EFEMP1: variants seen among roughly 807,000 people sequenced by gnomAD.
EFEMP1 encodes the protein EGF-containing fibulin-like extracellular matrix protein 1.
A neutral mutation model predicts 65.7 loss-of-function variants in EFEMP1; 18 were observed. That is an observed-to-expected ratio of 0.27 (90% CI 0.19 to 0.41). The LOEUF (loss-of-function observed/expected upper bound fraction) is 0.41. EFEMP1 is among the 10% of genes least tolerant of loss of function. The pLI is 1.00. For synonymous variants in EFEMP1, 237 were observed against 219.7 expected, an observed-to-expected ratio of 1.08 and a Z score of -0.70; for missense variants, 469 against 624.8, an observed-to-expected ratio of 0.75 and a Z score of 2.66.
chr2:55,921,852 C>T lies in EFEMP1; in HGVS notation c.81+508G>A, dbSNP rs1382997099. The T allele has an allele frequency of 6.1e-6, 1 of 163,658 alleles. No individual in the cohort carries two copies. The highest frequency in any genetic ancestry group is 2.4e-5 in the African/African-American group (1 of 41,576). 10.1% of individuals were successfully genotyped at this position (163,658 alleles called of 1,614,324 possible). A position where few individuals can be genotyped will look rare whatever the true frequency, so the allele number is the denominator to read the frequency against. On this transcript the variant is annotated intron_variant, in intron 3 of 11. Transcript: ENST00000355426. This position sits in a 1 kb window ranked among gnomAD's most constrained non-coding sequence, Gnocchi z 4.1. ...GTCTGCCTTTATTTATTAGAATTAT[C>T]AAGTTATACAAAAAGAATGAATATA...
At chr2:55,869,719 G>A (rs1668726684) in intron 11 of EFEMP1, among the ~76,000 whole-genome samples, 2 of 152,094 alleles carry the variant, frequency 1.3e-5, no homozygotes, top group South Asian at 4.1e-4. Flanking sequence ...AAAATAAAGA[G>A]TGCCCAAAGG....
intron 5 of EFEMP1, among the ~76,000 whole-genome samples, chr2:55,890,824 T>C (rs971648707): frequency 1.1e-4 from 16 of 152,040 alleles, no homozygotes; most frequent in African/African-American, 3.9e-4. Flanking sequence ...CTACCCTACC[T>C]CCTCATATCA....
chr2:55,922,779 A>G lies in EFEMP1; in HGVS notation c.-8+120T>C. ...AAAGAGGGGGTCGAAAGGAAAAAACAGTAATCCATTTCAAAGGGGACGGTG... is the reference window on the plus strand; with the variant it reads ...AAAGAGGGGGTCGAAAGGAAAAAACGGTAATCCATTTCAAAGGGGACGGTG... On this transcript the variant is annotated intron_variant, in intron 2 of 11. Coordinates refer to ENST00000355426, the MANE Select transcript of EFEMP1 (RefSeq NM_001039348.3). This position sits in a 1 kb window ranked among gnomAD's most constrained non-coding sequence, Gnocchi z 5.5. The G allele has an allele frequency of 1.3e-6, 1 of 766,732 alleles. No homozygotes were observed. Among genetic ancestry groups the G allele is most frequent in the Non-Finnish European group, 1.8e-6 (1 of 557,916 alleles). 47.5% of individuals were successfully genotyped at this position (766,732 alleles called of 1,614,324 possible).
At position 55,921,888 on chromosome 2, in the gene EFEMP1, A is replaced by G. The variant is rs1029532499; in HGVS notation, c.81+472T>C. 30 of 186,238 alleles carry G rather than the reference A, an allele frequency of 1.6e-4. No individual in the cohort carries two copies. The highest frequency in any genetic ancestry group is 7.1e-4 in the African/African-American group (30 of 42,548). 11.5% of individuals were successfully genotyped at this position (186,238 alleles called of 1,614,324 possible). A position where few individuals can be genotyped will look rare whatever the true frequency, so the allele number is the denominator to read the frequency against. On this transcript the variant is annotated intron_variant, in intron 3 of 11. Transcript: ENST00000355426. This position sits in a 1 kb window ranked among gnomAD's most constrained non-coding sequence, Gnocchi z 4.1. The stretch of plus-strand genomic sequence containing the variant: ...AAAAGAATGAATATATAGCCTTTAT[A>G]AATTCAATAAAGGCCACTTACTTGA...
chr2:55,892,764 A>C (rs116258672), intron 5 of EFEMP1, among the ~76,000 whole-genome samples: 3,272 of 152,220 alleles, frequency 0.021, 66 homozygotes, highest in South Asian at 0.077. Context: ...CCAGTTATGC[A>C]GTTGATGTGT....
Position 55,923,247 on chromosome 2 carries a change from C to T in EFEMP1, c.-48-308G>A, listed in dbSNP as rs1159733403. 6.6e-6 allele frequency among the ~76,000 whole-genome samples: 1 copy of T among 152,140 alleles called. No individual in the cohort carries two copies. Among genetic ancestry groups the T allele is most frequent in the Non-Finnish European group, 1.5e-5 (1 of 68,022 alleles). ...GTTTCAGGCTGCCTAGGACCGGAAC[C>T]AGGGATCGCACCGCAGCCCAAGGTA... On this transcript the variant is annotated intron_variant, in intron 1 of 11. Transcript: ENST00000355426. The surrounding 1 kb of genome is among the most constrained non-coding windows in gnomAD (Gnocchi z 5.3).
intron 8 of EFEMP1, 122 bp downstream of exon 8, chr2:55,876,501 G>T: frequency 7.1e-7 from 1 of 1,417,020 alleles, no homozygotes; most frequent in Non-Finnish European, 9.7e-7. Context: ...TACATTAACT[G>T]GATTTTAGAA....
rs558652508 is a variant in EFEMP1, at chr2:55,884,292, A to G, written c.518-2558T>C. On this transcript the variant is annotated intron_variant, in intron 5 of 11. Transcript: ENST00000355426. ...ATACTTTGAGATCCTGGAATTACTT[A>G]TTTACACATCTATGCAAAGTCATAT... is the stretch of plus-strand genomic sequence containing the variant. Among the ~76,000 whole-genome samples, 4 of 152,318 alleles carry G rather than the reference A, an allele frequency of 2.6e-5. No homozygotes were observed. The East Asian group carries it at 5.8e-4, about 22-fold the overall frequency.
At position 55,867,006 on chromosome 2, in the gene EFEMP1, A is replaced by T. The variant is rs150344322; in HGVS notation, c.*67T>A. The T allele has an allele frequency of 9.4e-6, 15 of 1,588,144 alleles. No homozygotes were observed. In the African/African-American group the frequency reaches 2.0e-4, roughly 21 times the overall value. Reference sequence around the variant, plus strand: ...ATGCACTAGATATATCTATAAATAAAATAGTGCTTTAAGGTAACAATATTC... The same window carrying T: ...ATGCACTAGATATATCTATAAATAATATAGTGCTTTAAGGTAACAATATTC... On this transcript the variant is annotated 3_prime_UTR_variant, in exon 12 of 12. Transcript: ENST00000355426. This position sits in a 1 kb window ranked among gnomAD's most constrained non-coding sequence, Gnocchi z 4.3.
rs932323464 is a variant in EFEMP1, at chr2:55,887,553, C to G, written c.518-5819G>C. Among the ~76,000 whole-genome samples the G allele has an allele frequency of 3.3e-5, 5 of 152,174 alleles. No homozygotes were observed. The East Asian group carries it at 9.6e-4, about 29-fold the overall frequency. On this transcript the variant is annotated intron_variant, in intron 5 of 11. Coordinates refer to ENST00000355426, the MANE Select transcript of EFEMP1 (RefSeq NM_001039348.3). ...GGGCCAAATGCCCAGTTCTAGTTAG[C>G]TTTTCACCCTTCTGAAATTATCAGC...
In EFEMP1 at chr2:55,877,270, G is replaced by T. The variant is rs565478372; in HGVS notation, c.760+476C>A. Among the ~76,000 whole-genome samples, 1 of 152,142 alleles carries T rather than the reference G, an allele frequency of 6.6e-6. No homozygotes were observed. The highest frequency in any genetic ancestry group is 1.9e-4 in the East Asian group (1 of 5,184). On this transcript the variant is annotated intron_variant, in intron 7 of 11. Coordinates refer to ENST00000355426, the MANE Select transcript of EFEMP1 (RefSeq NM_001039348.3). The surrounding 1 kb of genome is among the most constrained non-coding windows in gnomAD (Gnocchi z 4.5). ...ATACGGAGTTTTGCAATGCTCTAAA[G>T]CACTGAAAATATTGTGAAAAGGCAT... is the stretch of plus-strand genomic sequence containing the variant.
chr2:55,885,670 G>A lies in EFEMP1; in HGVS notation c.518-3936C>T, dbSNP rs566326074. ...TCCCTCTCTTGCTGACTTTGGCACC[G>A]TTAGTTGCTTTAAATAACACAGGCT... On this transcript the variant is annotated intron_variant, in intron 5 of 11. Transcript: ENST00000355426. The surrounding 1 kb of genome is among the most constrained non-coding windows in gnomAD (Gnocchi z 4.3). 2.6e-5 allele frequency among the ~76,000 whole-genome samples: 4 copies of A among 152,212 alleles called. No individual in the cohort carries two copies. The highest frequency in any genetic ancestry group is 1.9e-4 in the East Asian group (1 of 5,166).
chr2:55,916,602 G>A (rs1467700126), intron 5 of EFEMP1, among the ~76,000 whole-genome samples: 1 of 152,148 alleles, frequency 6.6e-6, no homozygotes, highest in Non-Finnish European at 1.5e-5. Flanking sequence ...CACATGACCA[G>A]TTAGAAAGTA....
Position 55,885,446 on chromosome 2 carries a change from G to A in EFEMP1, c.518-3712C>T, listed in dbSNP as rs1432140956. Among the ~76,000 whole-genome samples the A allele has an allele frequency of 5.3e-5, 8 of 152,150 alleles. No homozygotes were observed. Among genetic ancestry groups the A allele is most frequent in the Non-Finnish European group, 1.2e-4 (8 of 68,012 alleles). ...GAGAGTCTGGATTGAACAACATAAG[G>A]AGTCTCTCTGAACTATGTAGACAGA... On this transcript the variant is annotated intron_variant, in intron 5 of 11. Coordinates refer to ENST00000355426, the MANE Select transcript of EFEMP1 (RefSeq NM_001039348.3). This position sits in a 1 kb window ranked among gnomAD's most constrained non-coding sequence, Gnocchi z 4.3.
intron 5 of EFEMP1, among the ~76,000 whole-genome samples, chr2:55,910,298 T>C (rs190480164): frequency 1.3e-5 from 2 of 152,338 alleles, no homozygotes; most frequent in African/African-American, 2.4e-5. Context: ...CTTTTGCCAA[T>C]ATTTGAAATG....
chr2:55,896,474 C>G (rs958329410), intron 5 of EFEMP1, among the ~76,000 whole-genome samples: 8 of 152,168 alleles, frequency 5.3e-5, no homozygotes, highest in Non-Finnish European at 1.0e-4. Flanking sequence ...CCTGTTGATT[C>G]AATTTTTAAG....
At chr2:55,918,366 C>T in intron 3 of EFEMP1, 99 bp from the exon 4 acceptor site, 1 of 1,384,340 alleles carries the variant, frequency 7.2e-7, no homozygotes, top group Non-Finnish European at 1.0e-6. Flanking sequence ...TGGCAACAAT[C>T]CTTGTGCTAA....
intron 5 of EFEMP1, among the ~76,000 whole-genome samples, chr2:55,915,356 T>A (rs1415022278): frequency 1.3e-5 from 2 of 152,182 alleles, no homozygotes; most frequent in Admixed American, 6.5e-5. Context: ...CTAAAAAAAA[T>A]TCCCAAAGAA....
At chr2:55,903,221 T>A (rs1237205863) in intron 5 of EFEMP1, among the ~76,000 whole-genome samples, 1 of 152,242 alleles carries the variant, frequency 6.6e-6, no homozygotes, top group African/African-American at 2.4e-5. Context: ...GAGAAAATTC[T>A]ATTAATTAGT....
Sources: allele counts gnomAD v4.1 joint callset (sites outside exome capture counted in the v4.1 genomes callset), GRCh38; gene constraint gnomAD v4.1.1; non-coding constraint Gnocchi (gnomAD v3.1); transcripts MANE v1.5; gene names NCBI Gene and HGNC (gene_info 2026-07-23, HGNC 2026-07-21).